Variants in KLRG1 observed in about 807,000 individuals in gnomAD.
KLRG1 encodes killer cell lectin like receptor G1.
A neutral mutation model predicts 21.8 loss-of-function variants in KLRG1; 16 were observed. The observed-to-expected ratio is 0.73, with a 90% CI of 0.50 to 1.11. The LOEUF (loss-of-function observed/expected upper bound fraction) is 1.11. Ranked by LOEUF, KLRG1 falls within the 50% of genes most tolerant of loss-of-function variation. The probability of loss-of-function intolerance (pLI) is 0.00; values close to 1 mark genes in which losing one functional copy is unlikely to be tolerated. For missense variants in KLRG1, 173 were observed against 218.3 expected, an observed-to-expected ratio of 0.79 and a Z score of 1.31; for synonymous variants, 69 against 75.9, an observed-to-expected ratio of 0.91 and a Z score of 0.47.
chr12:8,969,600 A>AATACTTAAAGTAAGTATTACAC (rs1946535241), intron 1 of KLRG1, among the ~76,000 whole-genome samples: 1 of 152,184 alleles, frequency 6.6e-6, no homozygotes, highest in Non-Finnish European at 1.5e-5. Flanking sequence ...AGAGGAGGAA[A>AATACTTAAAGTAAGTATTACAC]TTACACTTAA....
At chr12:9,016,763 G>A in the KLRG1 span, among the ~76,000 whole-genome samples, 15 of 152,018 alleles carry the variant, frequency 9.9e-5, no homozygotes, top group East Asian at 1.9e-4. Flanking sequence ...ACAGGTGTGC[G>A]TCACCACACC....
chr12:9,179,147 G>A, the KLRG1 span, among the ~76,000 whole-genome samples: 1 of 151,986 alleles, frequency 6.6e-6, no homozygotes, highest in African/African-American at 2.4e-5. Context: ...TTCCAAACAC[G>A]AGTAATCTAG....
At chr12:9,097,804 T>C in the KLRG1 span, among the ~76,000 whole-genome samples, 1 of 152,198 alleles carries the variant, frequency 6.6e-6, no homozygotes, top group Non-Finnish European at 1.5e-5. Flanking sequence ...GACTAATTTT[T>C]GTATTTTTAG....
At chr12:9,084,872 G>A in the KLRG1 span, among the ~76,000 whole-genome samples, 1 of 151,988 alleles carries the variant, frequency 6.6e-6, no homozygotes, top group Non-Finnish European at 1.5e-5. Flanking sequence ...AAGAGAGCAG[G>A]GGTAGCTATA....
chr12:9,149,054 G>A, the KLRG1 span: 11 of 1,477,074 alleles, frequency 7.4e-6, no homozygotes, highest in African/African-American at 2.8e-5. Flanking sequence ...ATTCAGTTGA[G>A]TGTGGGCAGC....
the KLRG1 span, chr12:9,149,692 A>T: frequency 8.1e-7 from 1 of 1,240,410 alleles, no homozygotes; most frequent in Non-Finnish European, 1.1e-6. Context: ...CTACTGGAGA[A>T]AAGCACGCCC....
chr12:8,973,163 GAAAA>G (rs59760555), intron 1 of KLRG1, among the ~76,000 whole-genome samples: 26 of 97,034 alleles, frequency 2.7e-4, no homozygotes, highest in African/African-American at 9.8e-4. Context: ...CATCTCAAAA[GAAAA>G]AAAAAAAAAA....
the KLRG1 span, among the ~76,000 whole-genome samples, chr12:9,035,592 TAAA>T: frequency 1.0e-4 from 11 of 107,864 alleles, no homozygotes; most frequent in Middle Eastern, 4.4e-3. Context: ...GAACTTAAAG[TAAA>T]AAAAAAAAAA....
the KLRG1 span, among the ~76,000 whole-genome samples, chr12:9,200,198 C>T: frequency 2.7e-4 from 41 of 152,124 alleles, no homozygotes; most frequent in Non-Finnish European, 5.3e-4. Context: ...TGTTTCTATT[C>T]TTTTATGTAT....
the KLRG1 span, among the ~76,000 whole-genome samples, chr12:9,080,692 G>C: frequency 6.6e-6 from 1 of 152,086 alleles, no homozygotes; most frequent in East Asian, 1.9e-4. Flanking sequence ...AGAAAATTGA[G>C]GGTAAGGAAG....
chr12:8,971,579 C>T (rs1281951719), intron 1 of KLRG1, among the ~76,000 whole-genome samples: 7 of 125,114 alleles, frequency 5.6e-5, no homozygotes, highest in Middle Eastern at 3.4e-3. Context: ...CCGCCCACAA[C>T]CCCCAGGTTC....
At chr12:8,964,576 A>G (rs1465147139) in intron 1 of KLRG1, among the ~76,000 whole-genome samples, 1 of 151,798 alleles carries the variant, frequency 6.6e-6, no homozygotes, top group Non-Finnish European at 1.5e-5. Flanking sequence ...GCTGAGTTCA[A>G]TTCCTGGGTA....
chr12:9,055,811 A>T, the KLRG1 span: 1 of 152,660 alleles, frequency 6.6e-6, no homozygotes, highest in Non-Finnish European at 1.5e-5. Context: ...CTAATTGGAT[A>T]TGGACAGCAG....
chr12:8,992,815 G>A (rs1947014128), intron 2 of KLRG1, among the ~76,000 whole-genome samples: 1 of 152,032 alleles, frequency 6.6e-6, no homozygotes, highest in African/African-American at 2.4e-5. Flanking sequence ...TGGGATTATA[G>A]GTGTGAGCCA....
the KLRG1 span, chr12:9,064,442 C>A: frequency 9.0e-4 from 139 of 154,698 alleles, no homozygotes; most frequent in African/African-American, 3.2e-3. The surrounding 1 kb of genome is among the most constrained non-coding windows in gnomAD (Gnocchi z 4.0). Context: ...CCAAAGCAGC[C>A]GACTGCGCCG....
At chr12:9,034,639 G>A in the KLRG1 span, among the ~76,000 whole-genome samples, 1 of 152,012 alleles carries the variant, frequency 6.6e-6, no homozygotes, top group East Asian at 1.9e-4. Context: ...GTAGAGACGG[G>A]TTTCATCATG....
At chr12:8,959,422 A>T (rs12833375) in intron 1 of KLRG1, among the ~76,000 whole-genome samples, 58,513 of 151,980 alleles carry the variant, frequency 0.39, 11,990 homozygotes, top group Middle Eastern at 0.47. Flanking sequence ...GCTGTGTGAA[A>T]ATGGTTTTAG....
chr12:8,965,935 CTG>C (rs1946463614), intron 1 of KLRG1, among the ~76,000 whole-genome samples: 1 of 152,210 alleles, frequency 6.6e-6, no homozygotes, highest in Non-Finnish European at 1.5e-5. Context: ...TGAATTCAAA[CTG>C]TACTACAAGG....
chr12:9,198,116 G>A, the KLRG1 span, among the ~76,000 whole-genome samples: 1 of 150,774 alleles, frequency 6.6e-6, no homozygotes, highest in Admixed American at 6.7e-5. Flanking sequence ...ACTTTGGGAA[G>A]CCAAGAAGGA....
Sources: allele counts gnomAD v4.1 joint callset (sites outside exome capture counted in the v4.1 genomes callset), GRCh38; gene constraint gnomAD v4.1.1; non-coding constraint Gnocchi (gnomAD v3.1); transcripts MANE v1.5; gene names NCBI Gene and HGNC (gene_info 2026-07-23, HGNC 2026-07-21).